The following OR1J2 variants were observed in gnomAD, a reference collection of about 807,000 sequenced individuals.
The protein encoded by OR1J2 is olfactory receptor 1J2.
For missense variants in OR1J2, 304 were observed against 246.1 expected, an observed-to-expected ratio of 1.24 and a Z score of -1.57; for synonymous variants, 142 against 99.7, an observed-to-expected ratio of 1.42 and a Z score of -2.52.
the OR1J2 span, among the ~76,000 whole-genome samples, chr9:122,483,231 T>A: frequency 7.9e-5 from 12 of 152,190 alleles, no homozygotes. Flanking sequence ...AATTGAAGAT[T>A]TACTTCTCTT....
At chr9:122,534,324 A>G in the OR1J2 span, among the ~76,000 whole-genome samples, 610 of 152,256 alleles carry the variant, frequency 4.0e-3, 32 homozygotes, top group East Asian at 0.094. Flanking sequence ...AGTAAAATGT[A>G]TATTGAGAAT....
chr9:122,553,523 A>G, the OR1J2 span: 1 of 1,614,100 alleles, frequency 6.2e-7, no homozygotes, highest in Non-Finnish European at 8.5e-7. Flanking sequence ...TTGCACAGCT[A>G]TATTTCCTCC....
At chr9:122,562,773 C>A in the OR1J2 span, among the ~76,000 whole-genome samples, 2 of 152,084 alleles carry the variant, frequency 1.3e-5, no homozygotes, top group South Asian at 4.2e-4. Flanking sequence ...GGGTATTGGT[C>A]CTTCTGTGCC....
the OR1J2 span, among the ~76,000 whole-genome samples, chr9:122,468,328 C>T: frequency 8.7e-4 from 132 of 152,308 alleles, no homozygotes; most frequent in East Asian, 0.019. Context: ...GAAATGCCAA[C>T]TTTGTGAGTG....
At chr9:122,461,173 G>A in the OR1J2 span, among the ~76,000 whole-genome samples, 1 of 152,036 alleles carries the variant, frequency 6.6e-6, no homozygotes, top group Non-Finnish European at 1.5e-5. Flanking sequence ...GTGAAAGTGG[G>A]CATCCTTGTT....
chr9:122,498,449 G>T, the OR1J2 span, among the ~76,000 whole-genome samples: 1 of 152,074 alleles, frequency 6.6e-6, no homozygotes, highest in Non-Finnish European at 1.5e-5. Flanking sequence ...CTTATGTTTT[G>T]AAATTCTTTA....
the OR1J2 span, among the ~76,000 whole-genome samples, chr9:122,454,649 A>T: frequency 6.6e-6 from 1 of 152,082 alleles, no homozygotes; most frequent in East Asian, 1.9e-4. Flanking sequence ...TGCCCTCTAC[A>T]GGCATGTAGC....
At chr9:122,492,104 C>T in the OR1J2 span, among the ~76,000 whole-genome samples, 1 of 151,992 alleles carries the variant, frequency 6.6e-6, no homozygotes, top group African/African-American at 2.4e-5. Context: ...ATCCCATCAC[C>T]CAGGTACTGA....
the OR1J2 span, among the ~76,000 whole-genome samples, chr9:122,565,449 C>G: frequency 0.27 from 41,211 of 152,060 alleles, 5,796 homozygotes; most frequent in Middle Eastern, 0.34. Flanking sequence ...ATGGCCATGG[C>G]GGCAGGGATG....
the OR1J2 span, among the ~76,000 whole-genome samples, chr9:122,550,367 A>C: frequency 6.6e-6 from 1 of 152,150 alleles, no homozygotes; most frequent in Non-Finnish European, 1.5e-5. Context: ...CCAAAAAATC[A>C]ATGAGGAAAG....
chr9:122,555,567 T>C, the OR1J2 span, among the ~76,000 whole-genome samples: 21 of 152,148 alleles, frequency 1.4e-4, no homozygotes, highest in East Asian at 4.0e-3. Context: ...TGCCCTCCAG[T>C]CACCCAGCTA....
the OR1J2 span, among the ~76,000 whole-genome samples, chr9:122,534,840 C>T: frequency 4.6e-5 from 7 of 152,050 alleles, no homozygotes; most frequent in African/African-American, 9.7e-5. Context: ...ACGTCAGGCA[C>T]CTCAGACCAT....
the OR1J2 span, chr9:122,554,349 C>T: frequency 1.8e-6 from 1 of 556,120 alleles, no homozygotes; most frequent in Non-Finnish European, 3.2e-6. Context: ...TGTTCTGTCT[C>T]AGCCTCTTTC....
the OR1J2 span, among the ~76,000 whole-genome samples, chr9:122,486,414 G>A: frequency 6.6e-6 from 1 of 152,156 alleles, no homozygotes; most frequent in African/African-American, 2.4e-5. Flanking sequence ...TCTATTAAAA[G>A]CCCTTATTAA....
At chr9:122,552,092 C>CAT in the OR1J2 span, among the ~76,000 whole-genome samples, 4 of 150,030 alleles carry the variant, frequency 2.7e-5, no homozygotes, top group African/African-American at 7.3e-5. Flanking sequence ...CACACACACA[C>CAT]ATATACACCT....
At chr9:122,501,370 C>T in the OR1J2 span, among the ~76,000 whole-genome samples, 2 of 152,134 alleles carry the variant, frequency 1.3e-5, no homozygotes, top group Non-Finnish European at 2.9e-5. Context: ...GCTGATTGCT[C>T]TTCTCCCAAT....
At chr9:122,579,915 A>T in the OR1J2 span, among the ~76,000 whole-genome samples, 1 of 152,152 alleles carries the variant, frequency 6.6e-6, no homozygotes, top group Non-Finnish European at 1.5e-5. Context: ...GCGCAATAAT[A>T]ATCTGACCCA....
the OR1J2 span, among the ~76,000 whole-genome samples, chr9:122,497,266 C>T: frequency 1.3e-5 from 2 of 152,196 alleles, no homozygotes. Flanking sequence ...AACAAAATTT[C>T]AGGATGTGAG....
the OR1J2 span, among the ~76,000 whole-genome samples, chr9:122,547,383 A>G: frequency 2.0e-5 from 3 of 152,260 alleles, no homozygotes; most frequent in East Asian, 5.8e-4. Flanking sequence ...TATACTGTTT[A>G]TTTTATTTGT....
Sources: allele counts gnomAD v4.1 joint callset (sites outside exome capture counted in the v4.1 genomes callset), GRCh38; gene constraint gnomAD v4.1.1; transcripts MANE v1.5; gene names NCBI Gene and HGNC (gene_info 2026-07-23, HGNC 2026-07-21).